Variants in PTCHD4 observed in about 807,000 individuals in gnomAD.
PTCHD4 encodes patched domain-containing protein 4.
In PTCHD4, 33 loss-of-function variants were observed where a neutral mutation model predicts 58.1. The ratio of observed to expected loss-of-function variants is 0.57; its 90% CI spans 0.43 to 0.76. The LOEUF is 0.76. Among genes scored for constraint, PTCHD4 ranks in the 30% least tolerant of loss-of-function variants. The pLI, the probability that PTCHD4 is intolerant of heterozygous loss-of-function variation, is 0.00. For synonymous variants in PTCHD4, 478 were observed against 409.6 expected, an observed-to-expected ratio of 1.17 and a Z score of -2.02; for missense variants, 1,058 against 1,027.1, an observed-to-expected ratio of 1.03 and a Z score of -0.41.
At position 47,879,356 on chromosome 6, in the gene PTCHD4, G is replaced by A. The variant is rs561356990; in HGVS notation, c.1479C>T (p.Ala493=). ...SDGANIINLL[A]SDSPSVSYAM... Reference sequence around the variant, plus strand: ...CATAGGAAACACTTGGCGAATCACTGGCTAGTAGATTGATGATGTTGGCTC... The same window carrying A: ...CATAGGAAACACTTGGCGAATCACTAGCTAGTAGATTGATGATGTTGGCTC... The change falls in exon 5 of 5, where the codon GCC becomes GCT. Residue 493 remains alanine, a synonymous_variant. Coordinates refer to ENST00000339488, the MANE Select transcript of PTCHD4 (RefSeq NM_001384253.1). The A allele has an allele frequency of 6.2e-7, 1 of 1,613,434 alleles. No homozygotes were observed. Among genetic ancestry groups the A allele is most frequent in the Admixed American group, 1.7e-5 (1 of 59,882 alleles).
At position 47,889,788 on chromosome 6, in the gene PTCHD4, G is replaced by A. The variant is rs551666567; in HGVS notation, c.899-9852C>T. 9.3e-5 allele frequency among the ~76,000 whole-genome samples: 14 copies of A among 150,476 alleles called. No individual in the cohort carries two copies. The South Asian group carries it at 2.4e-3, about 25-fold the overall frequency. On this transcript the variant is annotated intron_variant, in intron 4 of 4. Coordinates refer to ENST00000339488, the MANE Select transcript of PTCHD4 (RefSeq NM_001384253.1). The stretch of plus-strand genomic sequence containing the variant: ...CTAGGCATTACCATTCAAGACATAG[G>A]CATGGGCAAGGACTTCATGTCTAAA...
intron 4 of PTCHD4, among the ~76,000 whole-genome samples, chr6:47,906,442 A>G (rs1764889579): frequency 6.6e-6 from 1 of 152,120 alleles, no homozygotes. Flanking sequence ...CTTTACTCGC[A>G]TTCAAGAGAT....
At chr6:47,925,326 C>A (rs1266368778) in intron 4 of PTCHD4, among the ~76,000 whole-genome samples, 1 of 151,822 alleles carries the variant, frequency 6.6e-6, no homozygotes, top group Non-Finnish European at 1.5e-5. Context: ...ATGTCTGGGA[C>A]AAAGAAGGCA....
rs184593098 is a variant in PTCHD4 at position 47,924,841 on chromosome 6, C to T, written c.899-44905G>A. ...AGCCTCTGATCAAATGTTACTTCCT[C>T]GTAAACACCCTCTCCCCAACCGCCT... On this transcript the variant is annotated intron_variant, in intron 4 of 4. Transcript: ENST00000339488. 1.9e-3 allele frequency among the ~76,000 whole-genome samples: 290 copies of T among 152,156 alleles called. 2 individuals carry two copies. The highest frequency in any genetic ancestry group is 6.5e-3 in the African/African-American group (269 of 41,542).
At chr6:48,007,083 A>G (rs138442264) in intron 4 of PTCHD4, among the ~76,000 whole-genome samples, 6,618 of 152,216 alleles carry the variant, frequency 0.043, 179 homozygotes, top group African/African-American at 0.048. Flanking sequence ...TACTAAAAAT[A>G]CAAAAAATTA....
rs1328974 is a variant in PTCHD4, at chr6:47,865,751, G to C, written c.*12552C>G. On this transcript the variant is annotated 3_prime_UTR_variant, in exon 5 of 5. Coordinates refer to ENST00000339488, the MANE Select transcript of PTCHD4 (RefSeq NM_001384253.1). ...TCATCTCCAGTCTAACCTACACTTA[G>C]AACATTGCAGATTAATACTTCTAAA... 0.62 allele frequency among the ~76,000 whole-genome samples: 93,415 copies of C among 151,470 alleles called. 29,453 individuals are homozygous for C. Among genetic ancestry groups the C allele is most frequent in the East Asian group, 0.78 (3,999 of 5,106 alleles).
intron 4 of PTCHD4, among the ~76,000 whole-genome samples, chr6:47,925,033 G>A (rs1427224777): frequency 6.7e-6 from 1 of 148,842 alleles, no homozygotes; most frequent in Admixed American, 6.8e-5. Flanking sequence ...TAATATATAT[G>A]TATATGTATA....
chr6:47,878,304 C>G lies in PTCHD4; in HGVS notation c.2531G>C (p.Ter844SerextTer3). The G allele has an allele frequency of 6.3e-7, 1 of 1,584,732 alleles. No individual in the cohort carries two copies. The highest frequency in any genetic ancestry group is 8.6e-7 in the Non-Finnish European group (1 of 1,166,788). ...QENPDHVTTV[*>S] is the part of the protein sequence containing the mutation. ...AAATAATCCACTGGTCTATACCCCT[C>G]ATACTGTGGTGACGTGATCCGGGTT... Residue 844 changes from the stop codon to serine (S), a stop_lost, in exon 5 of 5, where the codon TGA becomes TCA. Transcript: ENST00000339488.
intron 3 of PTCHD4, among the ~76,000 whole-genome samples, chr6:48,036,788 A>G (rs972244648): frequency 5.3e-5 from 8 of 152,196 alleles, no homozygotes; most frequent in African/African-American, 2.4e-5. Flanking sequence ...TCTACAATTA[A>G]GAACCAATTT....
chr6:48,088,870 C>G (rs755435773), intron 1 of PTCHD4, among the ~76,000 whole-genome samples: 17 of 152,124 alleles, frequency 1.1e-4, no homozygotes, highest in Non-Finnish European at 2.2e-4. Flanking sequence ...CTGGTAAAAC[C>G]CTGTCTCTCC....
At chr6:47,925,958 G>T (rs894673104) in intron 4 of PTCHD4, among the ~76,000 whole-genome samples, 1 of 152,098 alleles carries the variant, frequency 6.6e-6, no homozygotes, top group African/African-American at 2.4e-5. Context: ...CTGGGGGTTG[G>T]CAGATGAGGC....
At chr6:47,895,750 C>G (rs1037658486) in intron 4 of PTCHD4, among the ~76,000 whole-genome samples, 1 of 151,880 alleles carries the variant, frequency 6.6e-6, no homozygotes, top group African/African-American at 2.4e-5. Flanking sequence ...CTTAAATTTC[C>G]AAAATTTGCT....
intron 4 of PTCHD4, among the ~76,000 whole-genome samples, chr6:47,983,054 A>G (rs112599083): frequency 1.1e-3 from 161 of 152,340 alleles, no homozygotes; most frequent in African/African-American, 3.6e-3. Context: ...ATTGAATTAA[A>G]GAGATAATGG....
chr6:48,033,776 A>T (rs1763533181), intron 3 of PTCHD4, among the ~76,000 whole-genome samples: 2 of 152,100 alleles, frequency 1.3e-5, no homozygotes, highest in South Asian at 4.1e-4. Flanking sequence ...GTTTTTACAT[A>T]GTTTCTGCCT....
At chr6:47,886,882 G>A (rs1034128807) in intron 4 of PTCHD4, among the ~76,000 whole-genome samples, 1 of 152,002 alleles carries the variant, frequency 6.6e-6, no homozygotes, top group Non-Finnish European at 1.5e-5. Context: ...CTACTCACCC[G>A]CATTCCACCA....
chr6:48,048,194 G>A (rs1203795406), intron 3 of PTCHD4, among the ~76,000 whole-genome samples: 3 of 151,804 alleles, frequency 2.0e-5, no homozygotes, highest in Non-Finnish European at 4.4e-5. Context: ...ACTTAAAGCA[G>A]GTACTAGGAA....
chr6:48,048,772 A>G (rs994780321), intron 3 of PTCHD4, among the ~76,000 whole-genome samples: 3 of 152,028 alleles, frequency 2.0e-5, no homozygotes, highest in Admixed American at 6.6e-5. Context: ...TACAATTGAA[A>G]TAGGTTTCTA....
chr6:48,061,185 G>A (rs1423646577), intron 3 of PTCHD4, among the ~76,000 whole-genome samples: 2 of 152,174 alleles, frequency 1.3e-5, no homozygotes, highest in South Asian at 4.1e-4. Flanking sequence ...TAACTGCAAA[G>A]GGACTTGAGA....
At chr6:48,021,450 C>G (rs967781321) in intron 3 of PTCHD4, among the ~76,000 whole-genome samples, 1 of 152,080 alleles carries the variant, frequency 6.6e-6, no homozygotes, top group Admixed American at 6.6e-5. Flanking sequence ...CTGAATTGGC[C>G]CACATAAGGT....
Sources: allele counts gnomAD v4.1 joint callset (sites outside exome capture counted in the v4.1 genomes callset), GRCh38; gene constraint gnomAD v4.1.1; transcripts MANE v1.5; gene names NCBI Gene and HGNC (gene_info 2026-07-23, HGNC 2026-07-21).